Variants in DHX32 observed in about 807,000 individuals in gnomAD.
The protein encoded by DHX32 is DEAH-box helicase 32 (putative), also known as putative pre-mRNA-splicing factor ATP-dependent RNA helicase DHX32.
DHX32 carries 51 observed loss-of-function variants against 70.0 expected under a neutral mutation model. That is an observed-to-expected ratio of 0.73 (90% CI 0.58 to 0.92). DHX32 has a LOEUF of 0.92. Ranked by LOEUF, DHX32 falls within the 40% of genes least tolerant of loss-of-function variation. The probability of loss-of-function intolerance (pLI) is 0.00; values close to 1 mark genes in which losing one functional copy is unlikely to be tolerated. For missense variants in DHX32, 762 were observed against 891.8 expected, an observed-to-expected ratio of 0.85 and a Z score of 1.85; for synonymous variants, 310 against 315.3, an observed-to-expected ratio of 0.98 and a Z score of 0.18.
intron 6 of DHX32, among the ~76,000 whole-genome samples, chr10:125,848,300 G>A (rs1262518087): frequency 1.3e-5 from 2 of 152,180 alleles, no homozygotes; most frequent in Non-Finnish European, 2.9e-5. Flanking sequence ...ACAGGGACAT[G>A]TTCCCAAAAC....
chr10:125,838,415 G>C (rs927518933), intron 9 of DHX32, 28 bp from the exon 10 acceptor site: 1 of 1,532,930 alleles, frequency 6.5e-7, no homozygotes, highest in Non-Finnish European at 8.7e-7. Context: ...AAAGAAAAAA[G>C]ATTTTGTATT....
At chr10:125,842,106 GC>G in intron 6 of DHX32, 172 bp from the exon 7 acceptor site, 1 of 856,494 alleles carries the variant, frequency 1.2e-6, no homozygotes. Flanking sequence ...TCTTGAGAGG[GC>G]AAACTCAGGA....
chr10:125,845,309 T>C (rs541422379), intron 6 of DHX32, among the ~76,000 whole-genome samples: 3 of 152,368 alleles, frequency 2.0e-5, no homozygotes, highest in East Asian at 1.9e-4. Flanking sequence ...TCTTTTGTTA[T>C]AACAATCTTT....
upstream of DHX32, among the ~76,000 whole-genome samples, chr10:125,882,133 G>A (rs1944320926): frequency 6.6e-6 from 1 of 152,178 alleles, no homozygotes; most frequent in Non-Finnish European, 1.5e-5. Flanking sequence ...GTCCCCACAT[G>A]TCAGGTGAAG....
chr10:125,854,331 G>A, intron 3 of DHX32, 128 bp from the exon 4 acceptor site: 1 of 884,394 alleles, frequency 1.1e-6, no homozygotes. Flanking sequence ...TCCCTGTGTT[G>A]CTGCCTACAT....
chr10:125,875,268 A>G (rs1249742178), intron 1 of DHX32, among the ~76,000 whole-genome samples: 1 of 152,126 alleles, frequency 6.6e-6, no homozygotes, highest in Non-Finnish European at 1.5e-5. Flanking sequence ...CTTAGTGTCC[A>G]GATCTTGGTT....
At position 125,880,778 on chromosome 10, in the gene DHX32, C is replaced by T. The variant is rs765764818; in HGVS notation, c.47G>A (p.Arg16His). 8 of 1,614,014 alleles carry T rather than the reference C, an allele frequency of 5.0e-6. No homozygotes were observed. Among genetic ancestry groups the T allele is most frequent in the African/African-American group, 1.3e-5 (1 of 74,918 alleles). The change falls in exon 1 of 11, where the codon CGC (arginine) becomes CAC (histidine). Residue 16 changes from arginine to histidine, a missense_variant. By Grantham distance (29) the Arg-to-His change is conservative. This residue lies in a region of DHX32 where 394 missense variants were observed against 473.1 expected (regional missense o/e 0.83). Transcript: ENST00000284690. ...GGAATCCAGGGATTCAGGAAAATAG[C>T]GTTTTTCAGAGGAAGAGTTTGGACA... is the stretch of plus-strand genomic sequence containing the variant. Reference protein sequence around the residue: ...LECPNSSSEKRYFPESLDSSD... With the variant: ...LECPNSSSEKHYFPESLDSSD...
At chr10:125,868,503 G>A (rs1944236639) in intron 1 of DHX32, among the ~76,000 whole-genome samples, 1 of 152,182 alleles carries the variant, frequency 6.6e-6, no homozygotes, top group African/African-American at 2.4e-5. Flanking sequence ...AATGACTGCT[G>A]TAGACTGTAA....
chr10:125,880,932 T>G lies in DHX32; in HGVS notation c.-108A>C. On this transcript the variant is annotated 5_prime_UTR_variant, in exon 1 of 11. Transcript: ENST00000284690. The stretch of plus-strand genomic sequence containing the variant: ...AGCCTATTTATACAAACCCGTATGT[T>G]CCAATCTCTAAGACTTCAGTTCAAG... 3 of 1,316,542 alleles carry G rather than the reference T, an allele frequency of 2.3e-6. No individual in the cohort carries two copies. Among genetic ancestry groups the G allele is most frequent in the Non-Finnish European group, 3.1e-6 (3 of 961,800 alleles). The allele number at this position is 1,316,542 out of a possible 1,614,324, so 81.6% of individuals were successfully genotyped here.
chr10:125,859,775 T>A lies in DHX32; in HGVS notation c.677A>T (p.Asn226Ile). ...GACAGGCACGTTTCCATAATAAGAA[T>A]TGAGTTTGCTGATCAGGTGAGGTGA... ...NSSPHLISKL[N>I]SYYGNVPVIE... is the part of the protein sequence containing the mutation. Residue 226 changes from asparagine (N) to isoleucine (I), a missense_variant, in exon 3 of 11, where the codon AAT (asparagine) becomes ATT (isoleucine). Physicochemically the swap from Asn to Ile is moderately radical, Grantham distance 149 (BLOSUM62 -3). Transcript: ENST00000284690. 6.2e-7 allele frequency: 1 copy of A among 1,614,116 alleles called. No individual in the cohort carries two copies.
intron 2 of DHX32, among the ~76,000 whole-genome samples, chr10:125,861,476 G>A (rs929427421): frequency 3.3e-5 from 5 of 152,134 alleles, no homozygotes; most frequent in Non-Finnish European, 7.4e-5. Flanking sequence ...CAGCCTGGGC[G>A]ACAGAGCGAG....
intron 6 of DHX32, among the ~76,000 whole-genome samples, chr10:125,847,306 C>T (rs939444613): frequency 3.0e-4 from 45 of 152,154 alleles, no homozygotes; most frequent in African/African-American, 8.2e-4. Flanking sequence ...TCTTAAGATA[C>T]CTCAGTTCCC....
Position 125,880,998 on chromosome 10 carries a change from C to T in DHX32, c.-174G>A, listed in dbSNP as rs1944313852. ...ATTCCTCAAACCTGCATCTGTTCTC[C>T]GTTGCTGTGTTACCCACTGTGCTGG... On this transcript the variant is annotated 5_prime_UTR_variant, in exon 1 of 11. Coordinates refer to ENST00000284690, the MANE Select transcript of DHX32 (RefSeq NM_018180.3). 33 of 727,726 alleles carry T rather than the reference C, an allele frequency of 4.5e-5. No homozygotes were observed. In the South Asian group the frequency reaches 5.6e-4, roughly 12 times the overall value. 45.1% of individuals were successfully genotyped at this position (727,726 alleles called of 1,614,324 possible). A position where few individuals can be genotyped will look rare whatever the true frequency, so the allele number is the denominator to read the frequency against.
chr10:125,843,815 G>A (rs770434615), intron 6 of DHX32, among the ~76,000 whole-genome samples: 45 of 152,148 alleles, frequency 3.0e-4, no homozygotes, highest in Non-Finnish European at 6.2e-4. Flanking sequence ...GCCCACCACA[G>A]GCAAAAGATC....
At chr10:125,887,690 T>C in intron 1 of DHX32, among the ~76,000 whole-genome samples, 1 of 152,120 alleles carries the variant, frequency 6.6e-6, no homozygotes, top group East Asian at 1.9e-4. Context: ...GCCCAGGCTG[T>C]ATTCAACTCC....
Position 125,836,759 on chromosome 10 carries a change from C to A in DHX32, c.2160G>T (p.Val720=), listed in dbSNP as rs1357198132. 6.2e-7 allele frequency: 1 copy of A among 1,614,120 alleles called. No homozygotes were observed. Among genetic ancestry groups the A allele is most frequent in the Non-Finnish European group, 8.5e-7 (1 of 1,180,024 alleles). The part of the protein sequence containing the change: ...LQQVVDHLSP[V]STMNKEQQMC... Reference sequence around the variant, plus strand: ...TTTGCTGTTCCTTATTCATTGTTGACACAGGGGATAGGTGATCCACTACTT... The same window carrying A: ...TTTGCTGTTCCTTATTCATTGTTGAAACAGGGGATAGGTGATCCACTACTT... The change falls in exon 11 of 11, where the codon GTG becomes GTT. Residue 720 remains valine, a synonymous_variant. Coordinates refer to ENST00000284690, the MANE Select transcript of DHX32 (RefSeq NM_018180.3).
intron 1 of DHX32, among the ~76,000 whole-genome samples, chr10:125,868,977 AC>A (rs1944240469): frequency 6.6e-6 from 1 of 152,060 alleles, no homozygotes; most frequent in Non-Finnish European, 1.5e-5. Context: ...AAAAGCAGAG[AC>A]CTATCCGTGT....
intron 1 of DHX32, among the ~76,000 whole-genome samples, chr10:125,890,070 C>A (rs2134082272): frequency 6.6e-6 from 1 of 152,424 alleles, no homozygotes; most frequent in East Asian, 1.9e-4. Flanking sequence ...TTCCAGACTA[C>A]ATTTTTAAAA....
In DHX32 at chr10:125,854,192, T is replaced by A. The variant is rs748140737; in HGVS notation, c.861A>T (p.Lys287Asn). 3 of 1,598,072 alleles carry A rather than the reference T, an allele frequency of 1.9e-6. No homozygotes were observed. The highest frequency in any genetic ancestry group is 1.8e-5 in the Admixed American group (1 of 56,494). Residue 287 changes from lysine (K) to asparagine (N), a missense_variant, in exon 4 of 11, where the codon AAA becomes AAT. By Grantham distance (94) the Lys-to-Asn change is moderately conservative. Around this residue, in one of 3 missense-constraint regions of DHX32, gnomAD observed 394 missense variants for 473.1 expected, o/e 0.83. Coordinates refer to ENST00000284690, the MANE Select transcript of DHX32 (RefSeq NM_018180.3). ...ATCCTTGATAGACAGTTTCACAGACTTTCTCAATATCCTAAAGAAAAAAAA... is the reference window on the plus strand; with the variant it reads ...ATCCTTGATAGACAGTTTCACAGACATTCTCAATATCCTAAAGAAAAAAAA... ...VFLACEQDIE[K>N]VCETVYQGSN...
Sources: allele counts gnomAD v4.1 joint callset (sites outside exome capture counted in the v4.1 genomes callset), GRCh38; gene constraint gnomAD v4.1.1; regional missense constraint gnomAD v4.1.1; transcripts MANE v1.5; gene names NCBI Gene and HGNC (gene_info 2026-07-23, HGNC 2026-07-21).